FRK: variants seen among roughly 807,000 people sequenced by gnomAD.
FRK encodes fyn related Src family tyrosine kinase.
A neutral mutation model predicts 56.4 loss-of-function variants in FRK; 51 were observed. The ratio of observed to expected loss-of-function variants is 0.90; its 90% CI spans 0.72 to 1.14. The LOEUF (loss-of-function observed/expected upper bound fraction) is 1.14. Among genes scored for constraint, FRK ranks in the 50% most tolerant of loss-of-function variants. The probability of loss-of-function intolerance (pLI) is 0.00; values close to 1 mark genes in which losing one functional copy is unlikely to be tolerated. For synonymous variants in FRK, 245 were observed against 217.9 expected (o/e 1.12, Z -1.10); for missense variants, 570 against 601.4 (o/e 0.95, Z 0.55).
chr6:116,093,885 A>G, the FRK span, among the ~76,000 whole-genome samples: 8 of 152,190 alleles, frequency 5.3e-5, no homozygotes, highest in Non-Finnish European at 7.3e-5. Flanking sequence ...ATATCAGGAG[A>G]AAGCTAAAGT....
chr6:116,052,141 T>C (rs573521337), intron 1 of FRK, among the ~76,000 whole-genome samples: 25 of 152,174 alleles, frequency 1.6e-4, no homozygotes, highest in Non-Finnish European at 3.4e-4. Context: ...TGATATTCAG[T>C]CTACATTACA....
chr6:116,004,128 A>G lies in FRK; in HGVS notation c.345-130T>C, dbSNP rs576981129. The stretch of plus-strand genomic sequence containing the variant: ...TCTTTAGTAAAACTATTACAGGTAT[A>G]AATGGTAGCTTCTGACACTTGAGAT... On this transcript the variant is annotated intron_variant, in intron 1 of 7. Coordinates refer to ENST00000606080, the MANE Select transcript of FRK (RefSeq NM_002031.3). The G allele has an allele frequency of 1.5e-5, 11 of 752,644 alleles. No individual in the cohort carries two copies. The East Asian group carries it at 3.0e-4, about 20-fold the overall frequency. 46.6% of individuals were successfully genotyped at this position (752,644 alleles called of 1,614,324 possible).
intron 1 of FRK, among the ~76,000 whole-genome samples, chr6:116,031,032 T>C (rs1181818140): frequency 6.6e-6 from 1 of 152,072 alleles, no homozygotes; most frequent in African/African-American, 2.4e-5. Context: ...TTGGACTCTA[T>C]CCTTAAAAAA....
At chr6:115,973,416 G>A (rs1484290594) in intron 2 of FRK, among the ~76,000 whole-genome samples, 5 of 152,104 alleles carry the variant, frequency 3.3e-5, no homozygotes, top group African/African-American at 4.8e-5. Context: ...TGGGGGATGT[G>A]GGATTAAGGG....
At chr6:116,077,761 T>C in the FRK span, among the ~76,000 whole-genome samples, 1 of 152,232 alleles carries the variant, frequency 6.6e-6, no homozygotes, top group Non-Finnish European at 1.5e-5. Flanking sequence ...GATGTCATCA[T>C]GCCTATGACC....
chr6:115,997,246 T>C (rs1292042104), intron 2 of FRK, among the ~76,000 whole-genome samples: 1 of 152,180 alleles, frequency 6.6e-6, no homozygotes, highest in Non-Finnish European at 1.5e-5. Context: ...TTCTGAAAAT[T>C]CTAATATGCT....
the FRK span, among the ~76,000 whole-genome samples, chr6:116,092,645 G>T: frequency 6.6e-6 from 1 of 152,178 alleles, no homozygotes; most frequent in African/African-American, 2.4e-5. Flanking sequence ...GCGTCAGTGA[G>T]CACAACTATT....
Position 115,944,323 on chromosome 6 carries a change from T to C in FRK, c.1061A>G (p.Asp354Gly). ...AACGAGGACATTTCTGGCAGCCAGATCTCTGTGAATGTAGTTCCGAGACTC... is the reference window on the plus strand; with the variant it reads ...AACGAGGACATTTCTGGCAGCCAGACCTCTGTGAATGTAGTTCCGAGACTC... ...YLESRNYIHR[D>G]LAARNVLVGE... The change falls in exon 6 of 8, where the codon GAT (aspartate) becomes GGT (glycine). Residue 354 changes from aspartate (D) to glycine (G), a missense_variant. Transcript: ENST00000606080. 1 of 1,613,192 alleles carries C rather than the reference T, an allele frequency of 6.2e-7. No homozygotes were observed. Among genetic ancestry groups the C allele is most frequent in the African/African-American group, 1.3e-5 (1 of 75,000 alleles).
chr6:115,991,420 C>T (rs530372877), intron 2 of FRK, among the ~76,000 whole-genome samples: 53 of 151,744 alleles, frequency 3.5e-4, no homozygotes, highest in African/African-American at 1.3e-3. Flanking sequence ...TCATCTAAGG[C>T]TCTTATTATT....
intron 2 of FRK, among the ~76,000 whole-genome samples, chr6:115,979,187 G>C (rs140019984): frequency 3.3e-5 from 5 of 152,096 alleles, no homozygotes; most frequent in Non-Finnish European, 7.4e-5. Flanking sequence ...TATCATAGGA[G>C]AGGACAGCTC....
Position 115,941,792 on chromosome 6 carries a change from CT to C in FRK, c.*621del, listed in dbSNP as rs1350603080. On this transcript the variant is annotated 3_prime_UTR_variant, in exon 8 of 8. Transcript: ENST00000606080. ...TACAGAAAAATTCCATCATTTCCTT[CT>C]GCAAAATGAAAAAGACTTCGTTTTC... 6.6e-6 allele frequency: 1 copy of C among 152,600 alleles called. No individual in the cohort carries two copies. Among genetic ancestry groups the C allele is most frequent in the Non-Finnish European group, 1.5e-5 (1 of 68,112 alleles). The allele number at this position is 152,600 out of a possible 1,614,324, so 9.5% of individuals were successfully genotyped here.
At position 115,968,803 on chromosome 6, in the gene FRK, T is replaced by C. The variant is rs1773693336; in HGVS notation, c.467-64A>G. The C allele has an allele frequency of 2.1e-6, 3 of 1,408,282 alleles. No individual in the cohort carries two copies. In the East Asian group the frequency reaches 6.9e-5, roughly 33 times the overall value. 87.2% of individuals were successfully genotyped at this position (1,408,282 alleles called of 1,614,324 possible). A position where few individuals can be genotyped will look rare whatever the true frequency, so the allele number is the denominator to read the frequency against. ...TAAAACCAAGCAGATTTATTTACTT[T>C]GTGGTGACATTTTCAATGCATAAAA... On this transcript the variant is annotated intron_variant, in intron 2 of 7. Transcript: ENST00000606080.
At chr6:115,968,521 T>C in intron 3 of FRK, 55 bp downstream of exon 3, 6 of 1,570,744 alleles carry the variant, frequency 3.8e-6, no homozygotes, top group Non-Finnish European at 5.2e-6. Flanking sequence ...TACTCAGATA[T>C]CTGAAGGAAA....
chr6:115,959,021 C>G (rs1359304327), intron 4 of FRK, among the ~76,000 whole-genome samples: 1 of 152,182 alleles, frequency 6.6e-6, no homozygotes, highest in Non-Finnish European at 1.5e-5. Context: ...TTTCAGAGCA[C>G]TCCTTCATGG....
intron 2 of FRK, among the ~76,000 whole-genome samples, chr6:115,993,510 C>G (rs1365375239): frequency 1.3e-5 from 2 of 151,636 alleles, no homozygotes; most frequent in Non-Finnish European, 2.9e-5. Flanking sequence ...GCTTGAAACA[C>G]TGTATTTTCA....
intron 2 of FRK, among the ~76,000 whole-genome samples, chr6:115,979,702 A>G (rs1453743161): frequency 6.6e-6 from 1 of 152,148 alleles, no homozygotes; most frequent in Non-Finnish European, 1.5e-5. Context: ...CAGGTGTAAC[A>G]TTTCTAATAT....
intron 5 of FRK, among the ~76,000 whole-genome samples, chr6:115,953,180 ATTTTTT>A (rs1554224845): frequency 2.9e-5 from 3 of 104,032 alleles, no homozygotes; most frequent in African/African-American, 1.1e-4. Flanking sequence ...TTTTAAGGCC[ATTTTTT>A]TTTTTTTTTT....
At chr6:115,968,518 A>T (rs966516339) in intron 3 of FRK, 58 bp downstream of exon 3, 31 of 1,566,746 alleles carry the variant, frequency 2.0e-5, no homozygotes, top group Non-Finnish European at 2.7e-5. Flanking sequence ...AAATACTCAG[A>T]TATCTGAAGG....
intron 2 of FRK, among the ~76,000 whole-genome samples, chr6:115,996,653 C>A (rs1774852321): frequency 6.6e-6 from 1 of 152,122 alleles, no homozygotes; most frequent in Non-Finnish European, 1.5e-5. Context: ...ATTATCTCTG[C>A]ACGTTGTAGA....
Sources: gnomAD v4.1 joint callset for allele counts (sites outside exome capture counted in the v4.1 genomes callset) on GRCh38, gnomAD v4.1.1 for gene constraint, MANE v1.5 for transcripts, NCBI Gene and HGNC (gene_info 2026-07-23, HGNC 2026-07-21) for gene names.